The following EXOC5 variants were observed in gnomAD, a reference collection of about 807,000 sequenced individuals.
EXOC5 encodes the protein SEC10-like 1.
Under a neutral mutation model 90.8 loss-of-function variants are expected in EXOC5, and 17 were observed. The ratio of observed to expected loss-of-function variants is 0.19; its 90% CI spans 0.13 to 0.28. The LOEUF (loss-of-function observed/expected upper bound fraction) is 0.28. Among genes scored for constraint, EXOC5 ranks in the 10% least tolerant of loss-of-function variants. The pLI is 1.00. For synonymous variants in EXOC5, 260 were observed against 270.0 expected, an observed-to-expected ratio of 0.96 and a Z score of 0.36; for missense variants, 569 against 830.6, an observed-to-expected ratio of 0.69 and a Z score of 3.87.
intron 1 of EXOC5, among the ~76,000 whole-genome samples, chr14:57,265,196 C>G (rs1372257452): frequency 6.6e-6 from 1 of 150,720 alleles, no homozygotes; most frequent in Admixed American, 6.6e-5. Flanking sequence ...CCCTTTGAGA[C>G]ATGCAGCCTC....
intron 7 of EXOC5, among the ~76,000 whole-genome samples, chr14:57,234,510 C>G (rs985079790): frequency 1.5e-5 from 2 of 130,614 alleles, no homozygotes; most frequent in South Asian, 2.5e-4. Flanking sequence ...TGTATATATA[C>G]GTGTGTGTGT....
chr14:57,254,289 G>C (rs997610473), intron 1 of EXOC5, among the ~76,000 whole-genome samples: 11 of 152,176 alleles, frequency 7.2e-5, no homozygotes, highest in African/African-American at 2.4e-4. Context: ...ACAAAAATTA[G>C]CTCGGTGTGG....
chr14:57,235,610 T>G (rs1297210469), intron 7 of EXOC5, 101 bp downstream of exon 7: 1 of 624,146 alleles, frequency 1.6e-6, no homozygotes, highest in East Asian at 2.8e-5. Flanking sequence ...ATCACTGTGA[T>G]AGTTACATAA....
At chr14:57,231,933 TATAAATTC>T (rs2139635581) in intron 10 of EXOC5, 1 of 417,784 alleles carries the variant, frequency 2.4e-6, no homozygotes, top group Non-Finnish European at 4.3e-6. Flanking sequence ...TGAGAACTGT[TATAAATTC>T]CTAGGAAAAG....
chr14:57,210,529 A>G (rs1055575598), intron 15 of EXOC5, among the ~76,000 whole-genome samples: 1 of 152,196 alleles, frequency 6.6e-6, no homozygotes, highest in Non-Finnish European at 1.5e-5. Flanking sequence ...TGTTTCATAT[A>G]TATCTTATAC....
At position 57,247,608 on chromosome 14, in the gene EXOC5, T is replaced by A; in HGVS notation, c.122+10A>T. 1.3e-6 allele frequency: 2 copies of A among 1,493,706 alleles called. No individual in the cohort carries two copies. The highest frequency in any genetic ancestry group is 1.8e-6 in the Non-Finnish European group (2 of 1,103,754). The allele number at this position is 1,493,706 out of a possible 1,614,324, so 92.5% of individuals were successfully genotyped here. ...TTAGATCTGTGGGGAAAAAAATTTT[T>A]TTATTTCACCTTTTAGGATCAAAAG... On this transcript the variant is annotated intron_variant, in intron 2 of 17. Transcript: ENST00000621441.
intron 3 of EXOC5, among the ~76,000 whole-genome samples, chr14:57,245,250 T>C (rs1318567005): frequency 6.6e-6 from 1 of 152,206 alleles, no homozygotes; most frequent in Non-Finnish European, 1.5e-5. Flanking sequence ...GAATTGCTGA[T>C]AATCTAGTGT....
intron 2 of EXOC5, among the ~76,000 whole-genome samples, 200 bp from the exon 3 acceptor site, chr14:57,247,058 G>T (rs1884052914): frequency 1.3e-5 from 2 of 152,088 alleles, no homozygotes; most frequent in African/African-American, 4.8e-5. Flanking sequence ...CTTCCTCATA[G>T]TTTTGTCCAG....
intron 5 of EXOC5, among the ~76,000 whole-genome samples, chr14:57,238,421 CAT>C (rs1227212952): frequency 1.6e-5 from 2 of 127,068 alleles, no homozygotes; most frequent in African/African-American, 5.3e-5. Flanking sequence ...TATTCATATT[CAT>C]ATATATATGT....
intron 15 of EXOC5, among the ~76,000 whole-genome samples, chr14:57,213,325 T>C (rs1326327464): frequency 6.6e-6 from 1 of 151,062 alleles, no homozygotes; most frequent in Non-Finnish European, 1.5e-5. Flanking sequence ...AAAGTTGCAG[T>C]GAACTATGAT....
intron 5 of EXOC5, among the ~76,000 whole-genome samples, chr14:57,238,494 T>A (rs897759325): frequency 6.6e-6 from 1 of 150,934 alleles, no homozygotes; most frequent in Non-Finnish European, 1.5e-5. Flanking sequence ...GGGGATGCAG[T>A]CAATAATTAT....
chr14:57,260,595 C>T (rs1466617822), intron 1 of EXOC5, among the ~76,000 whole-genome samples: 1 of 152,078 alleles, frequency 6.6e-6, no homozygotes, highest in Non-Finnish European at 1.5e-5. Flanking sequence ...TATATTATGT[C>T]TATGTCCAAA....
intron 15 of EXOC5, among the ~76,000 whole-genome samples, chr14:57,215,762 A>G (rs1882954335): frequency 6.6e-6 from 1 of 152,206 alleles, no homozygotes; most frequent in Non-Finnish European, 1.5e-5. Flanking sequence ...CTCTAACATC[A>G]GGAACAAGAA....
intron 12 of EXOC5, among the ~76,000 whole-genome samples, chr14:57,224,433 TATC>T (rs1454923078): frequency 1.3e-5 from 2 of 151,996 alleles, no homozygotes; most frequent in Admixed American, 6.6e-5. Flanking sequence ...GATAAGAAAA[TATC>T]ATGAATATAA....
chr14:57,265,332 G>A (rs1232718867), intron 1 of EXOC5, among the ~76,000 whole-genome samples: 1 of 152,122 alleles, frequency 6.6e-6, no homozygotes, highest in African/African-American at 2.4e-5. Context: ...AGAGAAAAGC[G>A]AAGATTCTTG....
At chr14:57,217,416 T>C (rs10135879) in intron 15 of EXOC5, among the ~76,000 whole-genome samples, 45,520 of 152,150 alleles carry the variant, frequency 0.3, 12,119 homozygotes, top group African/African-American at 0.72. Flanking sequence ...GTGTCACATT[T>C]TGGTAATCCT....
chr14:57,203,244 C>T lies in EXOC5; in HGVS notation c.*5365G>A, dbSNP rs1010484140. 3 of 152,062 alleles carry T rather than the reference C, an allele frequency of 2.0e-5. No individual in the cohort carries two copies. Among genetic ancestry groups the T allele is most frequent in the African/African-American group, 7.2e-5 (3 of 41,396 alleles). The allele number at this position is 152,062 out of a possible 1,614,324, so 9.4% of individuals were successfully genotyped here. A position where few individuals can be genotyped will look rare whatever the true frequency, so the allele number is the denominator to read the frequency against. On this transcript the variant is annotated 3_prime_UTR_variant, in exon 18 of 18. Transcript: ENST00000621441. The stretch of plus-strand genomic sequence containing the variant: ...GGAAGCTGCAGACTTGATAAAAGTG[C>T]TACAATAAAAGGCCAGAGTTGAAAG...
chr14:57,243,211 T>A (rs1883924952), intron 4 of EXOC5: 4 of 151,468 alleles, frequency 2.6e-5, no homozygotes, highest in African/African-American at 4.9e-5. Context: ...AACTCATTCT[T>A]ATAACCAAAA....
chr14:57,238,225 C>CACACAT (rs1297302656), intron 5 of EXOC5, among the ~76,000 whole-genome samples: 14 of 22,300 alleles, frequency 6.3e-4, no homozygotes, highest in Non-Finnish European at 1.4e-3. Flanking sequence ...CATATATATA[C>CACACAT]ACACACACAC....
Sources: gnomAD v4.1 joint callset for allele counts (sites outside exome capture counted in the v4.1 genomes callset) on GRCh38, gnomAD v4.1.1 for gene constraint, MANE v1.5 for transcripts, NCBI Gene and HGNC (gene_info 2026-07-23, HGNC 2026-07-21) for gene names.